The following TMEM132C variants were observed in gnomAD, a reference collection of about 807,000 sequenced individuals.
The protein encoded by TMEM132C is transmembrane protein 132C, also known as protein phosphatase 1, regulatory subunit 152.
TMEM132C carries 29 observed loss-of-function variants against 61.4 expected under a neutral mutation model. That is an observed-to-expected ratio of 0.47 (90% CI 0.35 to 0.64). TMEM132C has a LOEUF of 0.64. Among genes scored for constraint, TMEM132C ranks in the 30% least tolerant of loss-of-function variants. The pLI is 0.00. For synonymous variants in TMEM132C, 656 were observed against 633.1 expected (o/e 1.04, Z -0.54); for missense variants, 1,408 against 1,476.9 (o/e 0.95, Z 0.76).
At chr12:128,598,648 G>T (rs1034327376) in intron 3 of TMEM132C, among the ~76,000 whole-genome samples, 14 of 151,884 alleles carry the variant, frequency 9.2e-5, no homozygotes. Context: ...AAATACCCCT[G>T]CCTGTTCCTC....
intron 4 of TMEM132C, among the ~76,000 whole-genome samples, chr12:128,636,133 C>T (rs1191737893): frequency 6.6e-6 from 1 of 152,210 alleles, no homozygotes; most frequent in African/African-American, 2.4e-5. Context: ...CCACTGCAGT[C>T]TTGACCTCCT....
intron 3 of TMEM132C, among the ~76,000 whole-genome samples, chr12:128,613,651 C>T (rs1472560502): frequency 6.6e-6 from 1 of 152,188 alleles, no homozygotes; most frequent in African/African-American, 2.4e-5. Flanking sequence ...TCTGTGGGCC[C>T]TGTTCCCGGC....
intron 2 of TMEM132C, among the ~76,000 whole-genome samples, chr12:128,500,315 C>T (rs560051314): frequency 6.6e-6 from 1 of 152,134 alleles, no homozygotes; most frequent in African/African-American, 2.4e-5. Flanking sequence ...ACTCTAAAAG[C>T]CCAAGCAACA....
At position 128,518,608 on chromosome 12, in the gene TMEM132C, C is replaced by A. The variant is rs145910884; in HGVS notation, c.975-25349C>A. ...ATTATGCAAACATTTCATGAAGATA[C>A]CTTTTGTAAATTTTTAAAAGCATTC... On this transcript the variant is annotated intron_variant, in intron 2 of 8. Coordinates refer to ENST00000435159, the MANE Select transcript of TMEM132C (RefSeq NM_001136103.3). 3.2e-3 allele frequency among the ~76,000 whole-genome samples: 483 copies of A among 152,300 alleles called. 3 individuals carry two copies. Among genetic ancestry groups the A allele is most frequent in the African/African-American group, 0.011 (461 of 41,562 alleles).
chr12:128,391,759 G>A (rs1227677774), intron 1 of TMEM132C, among the ~76,000 whole-genome samples: 2 of 152,154 alleles, frequency 1.3e-5, no homozygotes, highest in African/African-American at 2.4e-5. Flanking sequence ...GCAGAAACAG[G>A]ATTCACAAAC....
chr12:128,397,882 T>A (rs1314224554), intron 1 of TMEM132C, among the ~76,000 whole-genome samples: 1 of 152,116 alleles, frequency 6.6e-6, no homozygotes. Context: ...TCCCACGAGT[T>A]TGATAAACAC....
At chr12:128,427,718 C>T (rs915751170) in intron 2 of TMEM132C, among the ~76,000 whole-genome samples, 3 of 152,156 alleles carry the variant, frequency 2.0e-5, no homozygotes, top group African/African-American at 7.2e-5. Flanking sequence ...TGGAGAAGCC[C>T]GGCATCCTCA....
At chr12:128,311,870 C>T (rs4882732) in intron 1 of TMEM132C, among the ~76,000 whole-genome samples, 104,476 of 152,142 alleles carry the variant, frequency 0.69, 37,162 homozygotes, top group Non-Finnish European at 0.8. Context: ...TTTTCCAGGC[C>T]GCCGTTGACG....
At chr12:128,586,631 TTCTC>T (rs1406726397) in intron 3 of TMEM132C, among the ~76,000 whole-genome samples, 2 of 151,896 alleles carry the variant, frequency 1.3e-5, no homozygotes, top group Non-Finnish European at 2.9e-5. Context: ...CCTTGTTTTG[TTCTC>T]TCTCTCTCTG....
At chr12:128,487,492 GTA>G (rs929584891) in intron 2 of TMEM132C, among the ~76,000 whole-genome samples, 36 of 134,338 alleles carry the variant, frequency 2.7e-4, no homozygotes, top group African/African-American at 9.4e-4. Flanking sequence ...GTGTGTGTGT[GTA>G]TGCCTGCATG....
chr12:128,689,385 C>A (rs1156607762), intron 5 of TMEM132C, among the ~76,000 whole-genome samples: 2 of 152,016 alleles, frequency 1.3e-5, no homozygotes, highest in East Asian at 3.9e-4. Context: ...AACACTTGAG[C>A]TCAAAGAAAA....
intron 2 of TMEM132C, among the ~76,000 whole-genome samples, chr12:128,422,512 A>G (rs1869024796): frequency 6.6e-6 from 1 of 152,212 alleles, no homozygotes; most frequent in Non-Finnish European, 1.5e-5. Flanking sequence ...TTTGTTCTCT[A>G]CTTGTAACCA....
intron 4 of TMEM132C, among the ~76,000 whole-genome samples, chr12:128,655,021 A>T (rs1954310310): frequency 6.6e-6 from 1 of 152,120 alleles, no homozygotes; most frequent in East Asian, 1.9e-4. Flanking sequence ...AATGAGGGGA[A>T]TTGTTAGTGT....
chr12:128,582,340 A>G (rs1875368847), intron 3 of TMEM132C, among the ~76,000 whole-genome samples: 1 of 152,046 alleles, frequency 6.6e-6, no homozygotes, highest in African/African-American at 2.4e-5. Flanking sequence ...TCATAATCTC[A>G]CAGGTGAATG....
chr12:128,395,030 TA>T (rs1874896641), intron 1 of TMEM132C, among the ~76,000 whole-genome samples: 3 of 152,102 alleles, frequency 2.0e-5, no homozygotes, highest in Admixed American at 6.5e-5. Context: ...AATTTTTTTC[TA>T]AACATTTATG....
At chr12:128,687,810 G>A (rs981236075) in intron 5 of TMEM132C, among the ~76,000 whole-genome samples, 1 of 152,130 alleles carries the variant, frequency 6.6e-6, no homozygotes, top group Non-Finnish European at 1.5e-5. Context: ...CCCCTGGGCT[G>A]CAAGGACTCT....
rs547450248 is a variant in TMEM132C, at chr12:128,411,307, A to G, written c.86-3425A>G. ...GAAACCCTCACCGGATAGTTTTAGC[A>G]TCCTCTTATGACCTTTGCCTGGATC... On this transcript the variant is annotated intron_variant, in intron 1 of 8. Coordinates refer to ENST00000435159, the MANE Select transcript of TMEM132C (RefSeq NM_001136103.3). 1.2e-4 allele frequency among the ~76,000 whole-genome samples: 19 copies of G among 152,338 alleles called. No homozygotes were observed. The South Asian group carries it at 3.7e-3, about 30-fold the overall frequency.
chr12:128,479,732 A>C (rs1054703985), intron 2 of TMEM132C, among the ~76,000 whole-genome samples: 5 of 152,174 alleles, frequency 3.3e-5, no homozygotes, highest in Admixed American at 3.3e-4. Flanking sequence ...CCCGGGCCCC[A>C]GCTCTGCTGC....
At chr12:128,588,298 G>A (rs1269073012) in intron 3 of TMEM132C, among the ~76,000 whole-genome samples, 1 of 152,094 alleles carries the variant, frequency 6.6e-6, no homozygotes, top group East Asian at 1.9e-4. Flanking sequence ...TAGGTGTGGT[G>A]GCATGTGCCT....
Sources: gnomAD v4.1 joint callset for allele counts (sites outside exome capture counted in the v4.1 genomes callset) on GRCh38, gnomAD v4.1.1 for gene constraint, MANE v1.5 for transcripts, NCBI Gene and HGNC (gene_info 2026-07-23, HGNC 2026-07-21) for gene names.